The following EML5 variants were observed in gnomAD, a reference collection of about 807,000 sequenced individuals.
EML5 encodes echinoderm microtubule-associated protein-like 5.
Under a neutral mutation model 250.0 loss-of-function variants are expected in EML5, and 120 were observed. That is an observed-to-expected ratio of 0.48 (90% CI 0.41 to 0.56). EML5 has a LOEUF of 0.56. Ranked by LOEUF, EML5 falls within the 20% of genes least tolerant of loss-of-function variation. The pLI is 0.00. For missense variants in EML5, 2,006 were observed against 2,437.6 expected (o/e 0.82, Z 3.73); for synonymous variants, 771 against 806.5 (o/e 0.96, Z 0.75).
chr14:88,655,262 A>G (rs1210823595), intron 27 of EML5, among the ~76,000 whole-genome samples: 2 of 152,218 alleles, frequency 1.3e-5, no homozygotes, highest in Non-Finnish European at 2.9e-5. Flanking sequence ...ACAGCATGGT[A>G]CTGGTACCAA....
At chr14:88,770,020 G>A (rs1249398053) in intron 1 of EML5, among the ~76,000 whole-genome samples, 3 of 150,026 alleles carry the variant, frequency 2.0e-5, no homozygotes, top group Non-Finnish European at 1.5e-5. Context: ...TTAAGACACT[G>A]TTTTTCAGTC....
chr14:88,737,449 C>T (rs766881733), intron 6 of EML5, among the ~76,000 whole-genome samples: 2 of 152,180 alleles, frequency 1.3e-5, no homozygotes, highest in African/African-American at 2.4e-5. Flanking sequence ...AAGCCAAGCG[C>T]AGCCTGCCAG....
chr14:88,672,058 A>G (rs1373228479), intron 21 of EML5, among the ~76,000 whole-genome samples: 1 of 152,192 alleles, frequency 6.6e-6, no homozygotes, highest in Non-Finnish European at 1.5e-5. Context: ...GACCTGATAG[A>G]TATCTACAGA....
At chr14:88,717,597 T>C (rs1476171076) in intron 8 of EML5, among the ~76,000 whole-genome samples, 1 of 151,668 alleles carries the variant, frequency 6.6e-6, no homozygotes, top group Non-Finnish European at 1.5e-5. Flanking sequence ...CTACTAAAAA[T>C]ACAAAAAATT....
intron 1 of EML5, among the ~76,000 whole-genome samples, chr14:88,770,998 T>G (rs1439243649): frequency 3.3e-5 from 5 of 152,208 alleles, no homozygotes; most frequent in Admixed American, 2.0e-4. Flanking sequence ...TAAGTTGCTT[T>G]AAGTATTTAA....
Position 88,612,507 on chromosome 14 carries a change from A to G in EML5, c.*3311T>C, listed in dbSNP as rs2086940111. ...GGAAACTACATTATCACAAAATTAT[A>G]CAAATTTTTTTACAAGTATTTACAT... is the stretch of plus-strand genomic sequence containing the variant. On this transcript the variant is annotated 3_prime_UTR_variant, in exon 44 of 44. Coordinates refer to ENST00000554922, the MANE Select transcript of EML5 (RefSeq NM_183387.3). 6.6e-6 allele frequency: 1 copy of G among 152,420 alleles called. No individual in the cohort carries two copies. The highest frequency in any genetic ancestry group is 6.5e-5 in the Admixed American group (1 of 15,282). The allele number at this position is 152,420 out of a possible 1,614,324, so 9.4% of individuals were successfully genotyped here. A position where few individuals can be genotyped will look rare whatever the true frequency, so the allele number is the denominator to read the frequency against.
intron 37 of EML5, 28 bp downstream of exon 37, chr14:88,622,576 C>T: frequency 1.3e-6 from 2 of 1,526,620 alleles, no homozygotes; most frequent in South Asian, 2.6e-5. Context: ...TTTTCTGCTG[C>T]ACTGTATCAG....
At chr14:88,766,163 G>C (rs2094317053) in intron 1 of EML5, among the ~76,000 whole-genome samples, 1 of 151,998 alleles carries the variant, frequency 6.6e-6, no homozygotes. Context: ...TGTGATTATT[G>C]CGTTAACTGC....
chr14:88,702,683 C>T (rs2093238769), intron 13 of EML5, 51 bp from the exon 14 acceptor site: 1 of 1,321,266 alleles, frequency 7.6e-7, no homozygotes, highest in Non-Finnish European at 1.0e-6. Flanking sequence ...TTTATCTGAT[C>T]AATACAGAAT....
chr14:88,671,462 G>C (rs1017569013), intron 21 of EML5, among the ~76,000 whole-genome samples: 1 of 152,120 alleles, frequency 6.6e-6, no homozygotes, highest in Non-Finnish European at 1.5e-5. Flanking sequence ...ACTGAAGTAC[G>C]AAAATCAATG....
At chr14:88,776,160 T>C (rs965347094) in intron 1 of EML5, among the ~76,000 whole-genome samples, 4 of 152,064 alleles carry the variant, frequency 2.6e-5, no homozygotes, top group African/African-American at 9.7e-5. Context: ...ACAAACAAGC[T>C]CAGATAGTGA....
chr14:88,744,371 A>G (rs2093974023), intron 3 of EML5, among the ~76,000 whole-genome samples: 1 of 152,074 alleles, frequency 6.6e-6, no homozygotes, highest in Non-Finnish European at 1.5e-5. Flanking sequence ...TGGTCCATAA[A>G]TAACAAGAAT....
intron 9 of EML5, among the ~76,000 whole-genome samples, chr14:88,714,151 T>C (rs1298559596): frequency 6.6e-6 from 1 of 152,178 alleles, no homozygotes; most frequent in African/African-American, 2.4e-5. Context: ...AAAGTTTATT[T>C]GAGATAAACA....
At chr14:88,704,605 T>G (rs187944763) in intron 13 of EML5, among the ~76,000 whole-genome samples, 107 of 152,312 alleles carry the variant, frequency 7.0e-4, no homozygotes, top group Admixed American at 2.2e-3. Context: ...CTAAGTCAAA[T>G]ATGCCCAGTT....
chr14:88,679,428 A>C (rs1452226065), intron 21 of EML5, among the ~76,000 whole-genome samples: 1 of 152,188 alleles, frequency 6.6e-6, no homozygotes, highest in East Asian at 1.9e-4. Context: ...ATGGTGGCTC[A>C]TGCTTGTAAT....
In EML5 at chr14:88,696,856, C is replaced by T. The variant is rs1411052479; in HGVS notation, c.2335G>A (p.Asp779Asn). The change falls in exon 15 of 44, where the codon GAT (aspartate) becomes AAT (asparagine). Residue 779 changes from aspartate to asparagine, a missense_variant. Physicochemically the swap from Asp to Asn is conservative, Grantham distance 23. Around this residue, in one of 7 missense-constraint regions of EML5, gnomAD observed 1,375 missense variants for 1,590.3 expected, o/e 0.86. Transcript: ENST00000554922. ...GHHQYGVSAV[D>N]FSADGKRLAS... ...CAGCAAACAGCCTTACCTGAGAAAT[C>T]AACGGCACTAACACCATACTGGTGG... 6.2e-7 allele frequency: 1 copy of T among 1,603,818 alleles called. No homozygotes were observed. The highest frequency in any genetic ancestry group is 1.1e-5 in the South Asian group (1 of 88,774).
intron 10 of EML5, among the ~76,000 whole-genome samples, chr14:88,707,376 C>T (rs1216409835): frequency 6.6e-6 from 1 of 151,820 alleles, no homozygotes; most frequent in African/African-American, 2.4e-5. Context: ...AATCCTCCTG[C>T]CTTAGCCTCC....
At chr14:88,654,164 TTCTC>T (rs1293930862) in intron 27 of EML5, among the ~76,000 whole-genome samples, 6 of 152,204 alleles carry the variant, frequency 3.9e-5, no homozygotes, top group African/African-American at 1.4e-4. Context: ...TTTTTGATTT[TTCTC>T]TCTTTTCTTC....
At chr14:88,730,144 AATGGAGC>A (rs1338932243) in intron 7 of EML5, among the ~76,000 whole-genome samples, 4 of 152,182 alleles carry the variant, frequency 2.6e-5, no homozygotes, top group African/African-American at 9.7e-5. Context: ...TTTAAGGCAC[AATGGAGC>A]ATGGACTATA....
Sources: gnomAD v4.1 joint callset for allele counts (sites outside exome capture counted in the v4.1 genomes callset) on GRCh38, gnomAD v4.1.1 for gene constraint, gnomAD v4.1.1 regional missense constraint, MANE v1.5 for transcripts, NCBI Gene and HGNC (gene_info 2026-07-23, HGNC 2026-07-21) for gene names.